Variants in DUSP9 observed in about 807,000 individuals in gnomAD.
DUSP9 encodes the protein dual specificity phosphatase 9, also known as dual specificity protein phosphatase 9.
In DUSP9, 4 loss-of-function variants were observed where a neutral mutation model predicts 13.2. The observed-to-expected ratio is 0.30, with a 90% confidence interval of 0.15 to 0.69. The LOEUF (loss-of-function observed/expected upper bound fraction) is 0.69. DUSP9 is among the 30% of genes least tolerant of loss of function. DUSP9 has a pLI of 0.73. For synonymous variants in DUSP9, 166 were observed against 172.3 expected, an observed-to-expected ratio of 0.96 and a Z score of 0.29; for missense variants, 263 against 355.0, an observed-to-expected ratio of 0.74 and a Z score of 2.08.
rs1457591736 is a variant in DUSP9 at position 153,649,539 on chromosome X, A to C, written c.681A>C (p.Lys227Asn). The change falls in exon 3 of 4, where the codon AAA becomes AAC. Residue 227 changes from lysine to asparagine, a missense_variant. Physicochemically the swap from Lys to Asn is moderately conservative, Grantham distance 94 (BLOSUM62 0). Transcript: ENST00000342782. Reference sequence around the variant, plus strand: ...CCGCCAATTTGGAGAGCCTGGCCAAACTGGGCATCCGCTACATCCTCAATG... The same window carrying C: ...CCGCCAATTTGGAGAGCCTGGCCAACCTGGGCATCCGCTACATCCTCAATG... Reference protein sequence around the residue: ...RDSANLESLAKLGIRYILNVT... With the variant: ...RDSANLESLANLGIRYILNVT... 8.3e-7 allele frequency: 1 copy of C among 1,210,721 alleles called. No individual in the cohort carries two copies. The highest frequency in any genetic ancestry group is 1.1e-6 in the Non-Finnish European group (1 of 895,371).
chrX:153,642,502 G>T (rs372526087), upstream of DUSP9: 7 of 113,076 alleles, frequency 6.2e-5, no homozygotes, highest in East Asian at 1.7e-3. Context: ...GCCGCCACCC[G>T]GGGTTCCGGT....
chrX:153,648,327 G>T lies in DUSP9; in HGVS notation c.373+1G>T. On this transcript the variant is annotated splice_donor_variant, in intron 2 of 3. Coordinates refer to ENST00000342782, the MANE Select transcript of DUSP9 (RefSeq NM_001318503.2). LOFTEE classifies it high-confidence loss of function. Reference sequence around the variant, plus strand: ...GGCTACCTGGCCTACTACCTCCAGGGTAGGTGCCGCGGGGCCCTCCTTCCA... The same window carrying T: ...GGCTACCTGGCCTACTACCTCCAGGTTAGGTGCCGCGGGGCCCTCCTTCCA... 8.9e-7 allele frequency: 1 copy of T among 1,121,969 alleles called. No homozygotes were observed. The highest frequency in any genetic ancestry group is 1.2e-6 in the Non-Finnish European group (1 of 857,486). 92.5% of individuals were successfully genotyped at this position (1,121,969 alleles called of 1,213,427 possible). A position where few individuals can be genotyped will look rare whatever the true frequency, so the allele number is the denominator to read the frequency against.
upstream of DUSP9, among the ~76,000 whole-genome samples, chrX:153,645,132 A>G (rs1292715819): frequency 8.9e-6 from 1 of 112,607 alleles, no homozygotes; most frequent in Non-Finnish European, 1.9e-5. Flanking sequence ...TGGACAGAAA[A>G]CAGAAGACAA....
At position 153,649,343 on chromosome X, in the gene DUSP9, T is replaced by G. The variant is rs1431379356; in HGVS notation, c.485T>G (p.Leu162Trp). ...CCCGGTCCAGTGCCCGTGGTGGGGT[T>G]GGGCAGCCTGTGCCTGGGCTCCGAC... Reference protein sequence around the residue: ...PVPGPVPVVGLGSLCLGSDCS... With the variant: ...PVPGPVPVVGWGSLCLGSDCS... Residue 162 changes from leucine to tryptophan, a missense_variant, in exon 3 of 4, where the codon TTG becomes TGG. Leu to Trp is a moderately conservative substitution (Grantham distance 61). Transcript: ENST00000342782. The G allele has an allele frequency of 8.3e-7, 1 of 1,209,284 alleles. No individual in the cohort carries two copies. Among genetic ancestry groups the G allele is most frequent in the Non-Finnish European group, 1.1e-6 (1 of 895,196 alleles).
In DUSP9 at chrX:153,649,853, A is replaced by G. The variant is rs370402296; in HGVS notation, c.830-127A>G. 9.8e-5 allele frequency: 92 copies of G among 938,203 alleles called. 1 individual carries two copies. In the East Asian group the frequency reaches 1.8e-3, roughly 18 times the overall value. The allele number at this position is 938,203 out of a possible 1,213,427, so 77.3% of individuals were successfully genotyped here. A position where few individuals can be genotyped will look rare whatever the true frequency, so the allele number is the denominator to read the frequency against. On this transcript the variant is annotated intron_variant, in intron 3 of 3. Coordinates refer to ENST00000342782, the MANE Select transcript of DUSP9 (RefSeq NM_001318503.2). ...TAGGGCGGCCCCCAGAGGCCACTAGAGAAACCTGCAGGTCGTGGCCATCTG... is the reference window on the plus strand; with the variant it reads ...TAGGGCGGCCCCCAGAGGCCACTAGGGAAACCTGCAGGTCGTGGCCATCTG...
Position 153,649,655 on chromosome X carries a change from C to G in DUSP9, c.797C>G (p.Ser266Trp). ...PISDHWSQNLSRFFPEAIEFI... is the reference protein window; with the variant it reads ...PISDHWSQNLWRFFPEAIEFI... Reference sequence around the variant, plus strand: ...TCCGACCACTGGAGCCAGAACCTGTCGCGGTTCTTTCCGGAGGCCATTGAG... The same window carrying G: ...TCCGACCACTGGAGCCAGAACCTGTGGCGGTTCTTTCCGGAGGCCATTGAG... Residue 266 changes from serine (S) to tryptophan (W), a missense_variant, in exon 3 of 4, where the codon TCG becomes TGG. Coordinates refer to ENST00000342782, the MANE Select transcript of DUSP9 (RefSeq NM_001318503.2). The G allele has an allele frequency of 1.7e-6, 2 of 1,210,820 alleles. No homozygotes were observed. The highest frequency in any genetic ancestry group is 2.2e-6 in the Non-Finnish European group (2 of 895,242).
In DUSP9 at chrX:153,650,033, A is replaced by G; in HGVS notation, c.883A>G (p.Ser295Gly). 8.3e-7 allele frequency: 1 copy of G among 1,211,015 alleles called. No individual in the cohort carries two copies. The highest frequency in any genetic ancestry group is 1.1e-6 in the Non-Finnish European group (1 of 895,370). The change falls in exon 4 of 4, where the codon AGC becomes GGC. Residue 295 changes from serine (S) to glycine (G), a missense_variant. Physicochemically the swap from Ser to Gly is moderately conservative, Grantham distance 56. Transcript: ENST00000342782. ...GVLVHCLAGV[S>G]RSVTVTVAYL... ...GCTCGTCCACTGCTTGGCGGGGGTCAGCCGTTCTGTCACCGTCACTGTGGC... is the reference window on the plus strand; with the variant it reads ...GCTCGTCCACTGCTTGGCGGGGGTCGGCCGTTCTGTCACCGTCACTGTGGC...
At position 153,648,008 on chromosome X, in the gene DUSP9, C is replaced by G; in HGVS notation, c.55C>G (p.Arg19Gly). ...LWLRRELSPP[R>G]PRLLLLDCRS... is the part of the protein sequence containing the mutation. ...GCTGCGTCGGGAGCTGTCGCCCCCGCGGCCGCGGCTCCTGCTCCTGGACTG... is the reference window on the plus strand; with the variant it reads ...GCTGCGTCGGGAGCTGTCGCCCCCGGGGCCGCGGCTCCTGCTCCTGGACTG... The change falls in exon 2 of 4, where the codon CGG (arginine) becomes GGG (glycine). Residue 19 changes from arginine to glycine, a missense_variant. Coordinates refer to ENST00000342782, the MANE Select transcript of DUSP9 (RefSeq NM_001318503.2). 9.1e-7 allele frequency: 1 copy of G among 1,103,651 alleles called. No individual in the cohort carries two copies. Among genetic ancestry groups the G allele is most frequent in the East Asian group, 3.9e-5 (1 of 25,567 alleles). The allele number at this position is 1,103,651 out of a possible 1,213,427, so 91.0% of individuals were successfully genotyped here. A position where few individuals can be genotyped will look rare whatever the true frequency, so the allele number is the denominator to read the frequency against.
chrX:153,648,095 G>A lies in DUSP9; in HGVS notation c.142G>A (p.Ala48Thr). 9.8e-7 allele frequency: 1 copy of A among 1,020,032 alleles called. No homozygotes were observed. Among genetic ancestry groups the A allele is most frequent in the Non-Finnish European group, 1.2e-6 (1 of 805,942 alleles). The allele number at this position is 1,020,032 out of a possible 1,213,427, so 84.1% of individuals were successfully genotyped here. A position where few individuals can be genotyped will look rare whatever the true frequency, so the allele number is the denominator to read the frequency against. The change falls in exon 2 of 4, where the codon GCG becomes ACG. Residue 48 changes from alanine (A) to threonine (T), a missense_variant. Coordinates refer to ENST00000342782, the MANE Select transcript of DUSP9 (RefSeq NM_001318503.2). ...IGGALSVALP[A>T]LLLRRLRRGS... Reference sequence around the variant, plus strand: ...TGGGGCGCTGAGCGTGGCCCTGCCGGCGCTCCTGCTGCGCCGCCTGCGGAG... The same window carrying A: ...TGGGGCGCTGAGCGTGGCCCTGCCGACGCTCCTGCTGCGCCGCCTGCGGAG...
At chrX:153,645,989 C>A (rs1301875936), upstream of DUSP9, among the ~76,000 whole-genome samples, 1 of 112,750 alleles carries the variant, frequency 8.9e-6, no homozygotes, top group Non-Finnish European at 1.9e-5. Flanking sequence ...GTTAGGCCAC[C>A]GCATTCCCTC....
At chrX:153,645,975 A>G (rs1214273016), upstream of DUSP9, among the ~76,000 whole-genome samples, 3 of 112,130 alleles carry the variant, frequency 2.7e-5, no homozygotes, top group African/African-American at 9.7e-5. Flanking sequence ...TCCCCCAAAT[A>G]TTTGTTAGGC....
chrX:153,648,271 G>A lies in DUSP9; in HGVS notation c.318G>A (p.Leu106=). The A allele has an allele frequency of 8.8e-7, 1 of 1,136,989 alleles. No individual in the cohort carries two copies. The highest frequency in any genetic ancestry group is 1.2e-6 in the Non-Finnish European group (1 of 864,438). 93.7% of individuals were successfully genotyped at this position (1,136,989 alleles called of 1,213,427 possible). A position where few individuals can be genotyped will look rare whatever the true frequency, so the allele number is the denominator to read the frequency against. The part of the protein sequence containing the change: ...EAEEWEAESV[L]GTLLQKLREE... ...AGGAGTGGGAGGCCGAGTCGGTGCT[G>A]GGCACCCTGCTGCAGAAGCTGCGAG... is the stretch of plus-strand genomic sequence containing the variant. Residue 106 remains leucine (L), a synonymous_variant, in exon 2 of 4, where the codon CTG becomes CTA. Transcript: ENST00000342782.
Position 153,649,476 on chromosome X carries a change from G to C in DUSP9, c.618G>C (p.Gln206His). The change falls in exon 3 of 4, where the codon CAG (glutamine) becomes CAC (histidine). Residue 206 changes from glutamine (Q) to histidine (H), a missense_variant. Gln to His is a conservative substitution (Grantham distance 24, BLOSUM62 0). Coordinates refer to ENST00000342782, the MANE Select transcript of DUSP9 (RefSeq NM_001318503.2). ...GGCTGCGGGCATCCTTCCCTGTCCAGATCCTGCCCAACCTCTATCTGGGCA... is the reference window on the plus strand; with the variant it reads ...GGCTGCGGGCATCCTTCCCTGTCCACATCCTGCCCAACCTCTATCTGGGCA... ...PVGLRASFPV[Q>H]ILPNLYLGSA... is the part of the protein sequence containing the mutation. The C allele has an allele frequency of 8.3e-7, 1 of 1,211,943 alleles. No homozygotes were observed. The highest frequency in any genetic ancestry group is 1.1e-6 in the Non-Finnish European group (1 of 895,610).
intron 2 of DUSP9, 47 bp from the exon 3 acceptor site, chrX:153,649,185 C>T (rs1350729684): frequency 8.6e-7 from 1 of 1,165,824 alleles, no homozygotes; most frequent in African/African-American, 1.8e-5. Context: ...AGGCACTTGG[C>T]TGCCCAGAAG....
intron 3 of DUSP9, 61 bp downstream of exon 3, chrX:153,649,748 C>A: frequency 1.0e-6 from 1 of 1,001,839 alleles, no homozygotes; most frequent in Non-Finnish European, 1.4e-6. Context: ...TGGCCTCCCC[C>A]TTGTGAGTAC....
At position 153,650,578 on chromosome X, in the gene DUSP9, C is replaced by T. The variant is rs1569538131; in HGVS notation, c.*273C>T. ...GGTTGTCCAGGCCCAGGTCCCGGCC[C>T]TGGGTGCTCAGCCAGCTCGGCTAGG... On this transcript the variant is annotated 3_prime_UTR_variant, in exon 4 of 4. Coordinates refer to ENST00000342782, the MANE Select transcript of DUSP9 (RefSeq NM_001318503.2). The T allele has an allele frequency of 5.7e-6, 2 of 350,327 alleles. No homozygotes were observed. The allele number at this position is 350,327 out of a possible 1,213,427, so 28.9% of individuals were successfully genotyped here.
chrX:153,649,740 GCCTCCC>G, intron 3 of DUSP9, 53 bp downstream of exon 3: 1 of 1,065,123 alleles, frequency 9.4e-7, no homozygotes, highest in Non-Finnish European at 1.3e-6. Flanking sequence ...GCCTGCTCTG[GCCTCCC>G]CCTTGTGAGT....
At chrX:153,645,429 C>T (rs1040664579), upstream of DUSP9, among the ~76,000 whole-genome samples, 1 of 113,055 alleles carries the variant, frequency 8.8e-6, no homozygotes, top group Admixed American at 9.2e-5. Context: ...GGCCGGAAAG[C>T]AGCCCAGTGC....
In DUSP9 at chrX:153,648,218, C is replaced by T. The variant is rs781828803; in HGVS notation, c.265C>T (p.Arg89Trp). The change falls in exon 2 of 4, where the codon CGG becomes TGG. Residue 89 changes from arginine to tryptophan, a missense_variant. Coordinates refer to ENST00000342782, the MANE Select transcript of DUSP9 (RefSeq NM_001318503.2). The stretch of plus-strand genomic sequence containing the variant: ...GTACGACCAGGGCGGGGGCCGGCGC[C>T]GGCGCGGGGAGGCCGAGGCCGAGGC... Reference protein sequence around the residue: ...LLYDQGGGRRRRGEAEAEAEE... With the variant: ...LLYDQGGGRRWRGEAEAEAEE... The T allele has an allele frequency of 1.4e-5, 15 of 1,087,765 alleles. No individual in the cohort carries two copies. The East Asian group carries it at 6.0e-4, about 44-fold the overall frequency. The allele number at this position is 1,087,765 out of a possible 1,213,427, so 89.6% of individuals were successfully genotyped here.
Sources: allele counts gnomAD v4.1 joint callset (sites outside exome capture counted in the v4.1 genomes callset), GRCh38; gene constraint gnomAD v4.1.1; transcripts MANE v1.5; gene names NCBI Gene and HGNC (gene_info 2026-07-23, HGNC 2026-07-21).